Variants in GRM8 observed in about 807,000 individuals in gnomAD.
The protein encoded by GRM8 is metabotropic glutamate receptor 8.
A neutral mutation model predicts 87.2 loss-of-function variants in GRM8; 47 were observed. The ratio of observed to expected loss-of-function variants is 0.54; its 90% CI spans 0.43 to 0.69. The LOEUF is 0.69. GRM8 is among the 30% of genes least tolerant of loss of function. The probability of loss-of-function intolerance (pLI) is 0.00; values close to 1 mark genes in which losing one functional copy is unlikely to be tolerated. For synonymous variants in GRM8, 396 were observed against 404.5 expected, an observed-to-expected ratio of 0.98 and a Z score of 0.25; for missense variants, 1,019 against 1,139.2, an observed-to-expected ratio of 0.89 and a Z score of 1.52.
At chr7:126,945,651 G>A (rs554614626) in intron 3 of GRM8, among the ~76,000 whole-genome samples, 125 of 152,290 alleles carry the variant, frequency 8.2e-4, no homozygotes, top group African/African-American at 2.9e-3. Flanking sequence ...ATGTCATTAT[G>A]TATATGCAAA....
At chr7:126,862,014 T>C (rs962391406) in intron 6 of GRM8, among the ~76,000 whole-genome samples, 1 of 151,920 alleles carries the variant, frequency 6.6e-6, no homozygotes, top group Non-Finnish European at 1.5e-5. Flanking sequence ...TTTGTATGCT[T>C]TTAAAGAACT....
chr7:126,784,509 T>C (rs948414503), intron 6 of GRM8, among the ~76,000 whole-genome samples: 10 of 152,158 alleles, frequency 6.6e-5, no homozygotes, highest in African/African-American at 1.2e-4. Flanking sequence ...CTCCCCAAAT[T>C]ATGGTACTGG....
At chr7:126,740,250 G>A (rs1814788422) in intron 7 of GRM8, among the ~76,000 whole-genome samples, 1 of 152,016 alleles carries the variant, frequency 6.6e-6, no homozygotes, top group South Asian at 2.1e-4. Flanking sequence ...CAAGACTCAA[G>A]CTGATATCAA....
chr7:126,449,828 C>T (rs1179040529), intron 9 of GRM8, among the ~76,000 whole-genome samples: 1 of 151,790 alleles, frequency 6.6e-6, no homozygotes, highest in Admixed American at 6.6e-5. Flanking sequence ...TTCTCTTTCC[C>T]AGCCTTCTCT....
chr7:126,994,687 C>A (rs548551987), intron 3 of GRM8, among the ~76,000 whole-genome samples: 1 of 152,206 alleles, frequency 6.6e-6, no homozygotes, highest in African/African-American at 2.4e-5. Flanking sequence ...ATGGAAAGAG[C>A]TTTGTCTTAT....
chr7:126,653,721 A>G (rs1409697769), intron 7 of GRM8, among the ~76,000 whole-genome samples: 1 of 152,202 alleles, frequency 6.6e-6, no homozygotes, highest in East Asian at 1.9e-4. Context: ...CTGGAACAAG[A>G]ATACCCATGA....
chr7:127,022,234 G>T (rs1474718781), intron 3 of GRM8, among the ~76,000 whole-genome samples: 1 of 150,932 alleles, frequency 6.6e-6, no homozygotes, highest in Non-Finnish European at 1.5e-5. Context: ...GTAACTGTCT[G>T]AACTCTAAGC....
At chr7:126,748,788 C>A (rs1816028595) in intron 7 of GRM8, among the ~76,000 whole-genome samples, 1 of 151,912 alleles carries the variant, frequency 6.6e-6, no homozygotes, top group Non-Finnish European at 1.5e-5. Flanking sequence ...AATATGCATA[C>A]ACATATAGAC....
chr7:127,232,131 G>C (rs779064645), intron 2 of GRM8, among the ~76,000 whole-genome samples: 26 of 151,454 alleles, frequency 1.7e-4, no homozygotes, highest in Non-Finnish European at 3.1e-4. Context: ...AACTAGATAG[G>C]CTTGCCCTAT....
intron 3 of GRM8, among the ~76,000 whole-genome samples, chr7:126,946,151 A>T (rs1807512087): frequency 6.6e-6 from 1 of 152,184 alleles, no homozygotes; most frequent in Non-Finnish European, 1.5e-5. Flanking sequence ...GTCTCAAGAG[A>T]CTGTCATGGT....
At chr7:126,504,950 G>A (rs1270666422) in intron 9 of GRM8, among the ~76,000 whole-genome samples, 1 of 152,044 alleles carries the variant, frequency 6.6e-6, no homozygotes, top group Admixed American at 6.6e-5. Context: ...TAACAAGCAT[G>A]AATAACTGGT....
At chr7:126,786,791 A>T (rs898760632) in intron 6 of GRM8, among the ~76,000 whole-genome samples, 2 of 152,182 alleles carry the variant, frequency 1.3e-5, no homozygotes, top group African/African-American at 2.4e-5. Flanking sequence ...AAAAGTTATT[A>T]TAGTTACCAT....
intron 3 of GRM8, among the ~76,000 whole-genome samples, chr7:127,056,590 G>A (rs1203182145): frequency 6.6e-6 from 1 of 152,124 alleles, no homozygotes; most frequent in Non-Finnish European, 1.5e-5. Flanking sequence ...TGAAAAGCAA[G>A]CAAGTAAAAT....
chr7:126,919,499 T>C (rs967967887), intron 3 of GRM8, among the ~76,000 whole-genome samples: 1 of 152,128 alleles, frequency 6.6e-6, no homozygotes, highest in African/African-American at 2.4e-5. Flanking sequence ...AGTCAAAGAA[T>C]GACTGGGGAT....
chr7:127,219,191 C>A (rs570399203), intron 2 of GRM8, among the ~76,000 whole-genome samples: 1 of 151,976 alleles, frequency 6.6e-6, no homozygotes, highest in East Asian at 1.9e-4. Context: ...TCATTAGTAG[C>A]AAATGGTGAT....
At chr7:126,835,711 C>T (rs944393053) in intron 6 of GRM8, among the ~76,000 whole-genome samples, 6 of 152,174 alleles carry the variant, frequency 3.9e-5, no homozygotes, top group African/African-American at 1.4e-4. Context: ...CCATTTGGCA[C>T]ACAAATTGAT....
intron 3 of GRM8, among the ~76,000 whole-genome samples, chr7:127,044,554 C>T (rs1818749402): frequency 6.6e-6 from 1 of 152,014 alleles, no homozygotes; most frequent in South Asian, 2.1e-4. Flanking sequence ...TTTTGAACTA[C>T]CGTTTAGCTA....
chr7:127,215,389 G>A (rs1796462641), intron 2 of GRM8: 2 of 152,098 alleles, frequency 1.3e-5, no homozygotes, highest in Non-Finnish European at 2.9e-5. Flanking sequence ...TCTTTTCACT[G>A]AGGGTGTAGA....
At chr7:127,091,815 C>T (rs1415573541) in intron 3 of GRM8, among the ~76,000 whole-genome samples, 27 of 109,102 alleles carry the variant, frequency 2.5e-4, no homozygotes, top group African/African-American at 9.1e-4. Context: ...TCCCACTGGT[C>T]ATCCCGCCGT....
Sources: gnomAD v4.1 joint callset for allele counts (sites outside exome capture counted in the v4.1 genomes callset) on GRCh38, gnomAD v4.1.1 for gene constraint, MANE v1.5 for transcripts, NCBI Gene and HGNC (gene_info 2026-07-23, HGNC 2026-07-21) for gene names.